KIAA1217: variants seen among roughly 807,000 people sequenced by gnomAD.
The protein encoded by KIAA1217 is sickle tail protein homolog.
In KIAA1217, 88 loss-of-function variants were observed where a neutral mutation model predicts 163.9. The ratio of observed to expected loss-of-function variants is 0.54; its 90% CI spans 0.45 to 0.64. KIAA1217 has a LOEUF of 0.64. Among genes scored for constraint, KIAA1217 ranks in the 30% least tolerant of loss-of-function variants. The pLI is 0.00. For synonymous variants in KIAA1217, 903 were observed against 923.1 expected (o/e 0.98, Z 0.39); for missense variants, 2,372 against 2,475.0 (o/e 0.96, Z 0.88).
chr10:23,942,866 G>T (rs1264345558), intron 1 of KIAA1217, among the ~76,000 whole-genome samples: 2 of 151,706 alleles, frequency 1.3e-5, no homozygotes, highest in South Asian at 4.2e-4. Context: ...CCAGCACTTT[G>T]CAAGGCCAAG....
chr10:24,532,921 GC>G, intron 15 of KIAA1217, 148 bp from the exon 16 acceptor site: 1 of 584,972 alleles, frequency 1.7e-6, no homozygotes, highest in Non-Finnish European at 2.8e-6. Context: ...CAAACTAAAT[GC>G]AAAGGAATAA....
chr10:24,216,691 G>T (rs541642104), intron 1 of KIAA1217, among the ~76,000 whole-genome samples: 2 of 151,572 alleles, frequency 1.3e-5, no homozygotes, highest in Non-Finnish European at 1.5e-5. Context: ...GCCGGGCATG[G>T]TTGCGCACGG....
Position 24,544,031 on chromosome 10 carries a change from A to G in KIAA1217, c.4761A>G (p.Gln1587=). ...FPKKQLAALT[Q]AIRTGTKTGK... ...AGAAGCAACTCGCCGCTCTCACTCA[A>G]GCCATTCGCACCGGAACTAAAACAG... The change falls in exon 19 of 21, where the codon CAA becomes CAG. Residue 1587 remains glutamine, a synonymous_variant. Transcript: ENST00000376454. 1 of 1,614,206 alleles carries G rather than the reference A, an allele frequency of 6.2e-7. No individual in the cohort carries two copies.
chr10:24,076,997 C>T (rs1327783654), intron 2 of KIAA1217, among the ~76,000 whole-genome samples: 1 of 151,876 alleles, frequency 6.6e-6, no homozygotes, highest in African/African-American at 2.4e-5. Flanking sequence ...CTGCCTCAGC[C>T]TCCCAAGTAG....
chr10:24,015,442 G>A (rs1184642234), intron 2 of KIAA1217, among the ~76,000 whole-genome samples: 1 of 151,976 alleles, frequency 6.6e-6, no homozygotes, highest in Non-Finnish European at 1.5e-5. Context: ...TGTTAGGGAG[G>A]TTTATGACCA....
chr10:23,931,405 C>T (rs954130583), intron 1 of KIAA1217, among the ~76,000 whole-genome samples: 1 of 152,282 alleles, frequency 6.6e-6, no homozygotes, highest in Non-Finnish European at 1.5e-5. Context: ...CACCCCTGTA[C>T]CTAAATTGAC....
chr10:23,768,098 T>C (rs969393436), intron 1 of KIAA1217, among the ~76,000 whole-genome samples: 3 of 152,170 alleles, frequency 2.0e-5, no homozygotes, highest in Non-Finnish European at 4.4e-5. Context: ...CTCCAGTGAA[T>C]CCAATGAACA....
At chr10:24,271,945 G>A (rs141475423) in intron 2 of KIAA1217, among the ~76,000 whole-genome samples, 23 of 152,106 alleles carry the variant, frequency 1.5e-4, no homozygotes, top group African/African-American at 5.5e-4. Context: ...GGCATAAAAG[G>A]CCACTTTTAT....
intron 2 of KIAA1217, among the ~76,000 whole-genome samples, chr10:24,359,838 A>G (rs1450432138): frequency 6.6e-6 from 1 of 152,076 alleles, no homozygotes; most frequent in African/African-American, 2.4e-5. Context: ...TGTTATATCA[A>G]CTATAATTCT....
intron 2 of KIAA1217, among the ~76,000 whole-genome samples, chr10:24,323,687 A>C (rs919657120): frequency 4.6e-5 from 7 of 152,114 alleles, no homozygotes; most frequent in African/African-American, 1.7e-4. Context: ...GGAAGGAAGA[A>C]GATATTGATT....
At chr10:23,853,801 T>G (rs1003701021) in intron 1 of KIAA1217, among the ~76,000 whole-genome samples, 4 of 152,226 alleles carry the variant, frequency 2.6e-5, no homozygotes, top group African/African-American at 9.6e-5. Context: ...TTTATTTGCG[T>G]AGAGGTGTTT....
intron 2 of KIAA1217, among the ~76,000 whole-genome samples, chr10:24,264,725 T>C (rs1036374408): frequency 1.3e-5 from 2 of 152,028 alleles, no homozygotes; most frequent in Admixed American, 6.6e-5. Context: ...TTTCTTAATT[T>C]AACCTGAACT....
chr10:24,147,792 C>CA (rs2064389391), intron 2 of KIAA1217, among the ~76,000 whole-genome samples: 1 of 122,942 alleles, frequency 8.1e-6, no homozygotes. Flanking sequence ...AAGACCATGC[C>CA]ACTGCACTCC....
intron 1 of KIAA1217, among the ~76,000 whole-genome samples, chr10:23,844,522 A>T (rs1838929902): frequency 6.6e-6 from 1 of 152,070 alleles, no homozygotes; most frequent in Non-Finnish European, 1.5e-5. Flanking sequence ...TTTACTTCAC[A>T]CTTCAGCAGC....
chr10:24,522,238 C>A (rs1311222817), intron 12 of KIAA1217, among the ~76,000 whole-genome samples: 2 of 152,066 alleles, frequency 1.3e-5, no homozygotes, highest in Non-Finnish European at 2.9e-5. Context: ...GCAGAAGGAT[C>A]CCTTGAGCCC....
chr10:24,472,499 A>T (rs1273451750), intron 5 of KIAA1217, among the ~76,000 whole-genome samples: 1 of 152,212 alleles, frequency 6.6e-6, no homozygotes, highest in Non-Finnish European at 1.5e-5. Context: ...TAACAGTAGA[A>T]AAACGTGCTC....
chr10:23,837,558 G>T (rs1433732933), intron 1 of KIAA1217, among the ~76,000 whole-genome samples: 1 of 151,982 alleles, frequency 6.6e-6, no homozygotes, highest in Admixed American at 6.6e-5. Context: ...TTTTGAGATG[G>T]GATCTTGCTC....
intron 2 of KIAA1217, among the ~76,000 whole-genome samples, chr10:24,041,249 A>G (rs1848620724): frequency 6.6e-6 from 1 of 152,214 alleles, no homozygotes; most frequent in African/African-American, 2.4e-5. Context: ...CAAGTCATAA[A>G]AATCACTGAC....
chr10:24,455,064 A>C (rs1181383643), intron 5 of KIAA1217, among the ~76,000 whole-genome samples: 1 of 152,186 alleles, frequency 6.6e-6, no homozygotes, highest in East Asian at 1.9e-4. Context: ...TCGGGCTATA[A>C]TTATGTTAAT....
Sources: allele counts gnomAD v4.1 joint callset (sites outside exome capture counted in the v4.1 genomes callset), GRCh38; gene constraint gnomAD v4.1.1; transcripts MANE v1.5; gene names NCBI Gene and HGNC (gene_info 2026-07-23, HGNC 2026-07-21).